Variants in RGS22 observed in about 807,000 individuals in gnomAD.
RGS22 encodes regulator of G-protein signaling 22.
In RGS22, 148 loss-of-function variants were observed where a neutral mutation model predicts 172.9. That is an observed-to-expected ratio of 0.86 (90% confidence interval 0.75 to 0.98). RGS22 has a LOEUF of 0.98. Among genes scored for constraint, RGS22 ranks in the 50% least tolerant of loss-of-function variants. The probability of loss-of-function intolerance (pLI) is 0.00; values close to 1 mark genes in which losing one functional copy is unlikely to be tolerated. For synonymous variants in RGS22, 458 were observed against 480.2 expected, an observed-to-expected ratio of 0.95 and a Z score of 0.60; for missense variants, 1,347 against 1,440.8, an observed-to-expected ratio of 0.93 and a Z score of 1.05.
intron 23 of RGS22, among the ~76,000 whole-genome samples, chr8:99,975,689 G>GA (rs1489712233): frequency 6.6e-6 from 1 of 150,880 alleles, no homozygotes; most frequent in Non-Finnish European, 1.5e-5. Context: ...GCATGTTTAT[G>GA]ATTCTCTTAT....
At chr8:100,028,310 T>A (rs1818394675) in intron 14 of RGS22, among the ~76,000 whole-genome samples, 1 of 152,132 alleles carries the variant, frequency 6.6e-6, no homozygotes, top group Admixed American at 6.5e-5. Context: ...TAGGTATTTT[T>A]TAGATGAAGA....
chr8:100,049,092 G>T (rs1413275382), intron 10 of RGS22, among the ~76,000 whole-genome samples: 4 of 152,118 alleles, frequency 2.6e-5, no homozygotes, highest in Non-Finnish European at 5.9e-5. Context: ...GTGAAAGCTA[G>T]AAGTACCCAG....
intron 14 of RGS22, among the ~76,000 whole-genome samples, chr8:100,029,702 CAAAAAAAAAAAA>C (rs369058108): frequency 3.9e-4 from 24 of 62,016 alleles, no homozygotes; most frequent in Non-Finnish European, 6.8e-4. Flanking sequence ...AACTCCGTCT[CAAAAAAAAAAAA>C]AAAAAAAAAG....
intron 23 of RGS22, among the ~76,000 whole-genome samples, chr8:99,975,989 C>T (rs528089367): frequency 4.9e-4 from 75 of 152,102 alleles, no homozygotes; most frequent in African/African-American, 1.7e-3. Flanking sequence ...CAAGAGTTCG[C>T]GACCAGCATG....
chr8:100,009,485 G>T (rs115640745), intron 14 of RGS22, among the ~76,000 whole-genome samples: 2 of 149,766 alleles, frequency 1.3e-5, no homozygotes, highest in Non-Finnish European at 3.0e-5. Context: ...CAGCAAACCT[G>T]CCACAAATAT....
chr8:99,995,040 T>C (rs1371301270), intron 20 of RGS22, among the ~76,000 whole-genome samples: 1 of 152,132 alleles, frequency 6.6e-6, no homozygotes, highest in Non-Finnish European at 1.5e-5. Context: ...TAATAAATGG[T>C]GCTGGGAAAA....
rs1344085590 is a variant in RGS22, at chr8:100,051,550, T to A, written c.1689+1252A>T. Among the ~76,000 whole-genome samples the A allele has an allele frequency of 4.4e-5, 2 of 45,028 alleles. 1 individual carries two copies. The highest frequency in any genetic ancestry group is 7.1e-5 in the Non-Finnish European group (2 of 28,322). 29.5% of individuals were successfully genotyped at this position (45,028 alleles called of 152,430 possible). A position where few individuals can be genotyped will look rare whatever the true frequency, so the allele number is the denominator to read the frequency against. On this transcript the variant is annotated intron_variant, in intron 10 of 27. Coordinates refer to ENST00000360863, the MANE Select transcript of RGS22 (RefSeq NM_015668.5). ...ATATTTATACATATATATTTATACA[T>A]GTATTTATATAAATATATATTTATA...
In RGS22 at chr8:100,080,167, T is replaced by A. The variant is rs1379149565; in HGVS notation, c.306A>T (p.Glu102Asp). The change falls in exon 4 of 28, where the codon GAA (glutamate) becomes GAT (aspartate). Residue 102 changes from glutamate (E) to aspartate (D), a missense_variant. By Grantham distance (45) the Glu-to-Asp change is conservative. Coordinates refer to ENST00000360863, the MANE Select transcript of RGS22 (RefSeq NM_015668.5). ...TGTAGTTGACATTAATGGTCTCATC[T>A]TCATCGGGGGCATTCATTTGAACAG... ...VKPVQMNAPD[E>D]DETINVNYNI... is the part of the protein sequence containing the mutation. 1 of 1,611,946 alleles carries A rather than the reference T, an allele frequency of 6.2e-7. No homozygotes were observed. The highest frequency in any genetic ancestry group is 1.3e-5 in the African/African-American group (1 of 74,862).
intron 20 of RGS22, among the ~76,000 whole-genome samples, chr8:99,995,013 G>A (rs888361121): frequency 1.3e-5 from 2 of 152,072 alleles, no homozygotes; most frequent in African/African-American, 2.4e-5. Context: ...CAAGAAATGG[G>A]GAAACGATTC....
At chr8:100,050,223 A>G (rs1340213502) in intron 10 of RGS22, among the ~76,000 whole-genome samples, 1 of 152,182 alleles carries the variant, frequency 6.6e-6, no homozygotes, top group Non-Finnish European at 1.5e-5. Flanking sequence ...GCAGTGTTTC[A>G]CATATGAATC....
intron 7 of RGS22, among the ~76,000 whole-genome samples, chr8:100,065,691 A>G (rs1225723284): frequency 6.6e-6 from 1 of 152,198 alleles, no homozygotes. Context: ...AAGGTGAAAA[A>G]TAGTCTGAAC....
rs766565955 is a variant in RGS22, at chr8:99,996,542, A to G, written c.2950-12T>C. On this transcript the variant is annotated splice_polypyrimidine_tract_variant and intron_variant, in intron 19 of 27. Transcript: ENST00000360863. ...TCTTTCATCTGTACCTGAAAGCAAAACCAATTATTTTATCCCAGTTATTCA... is the reference window on the plus strand; with the variant it reads ...TCTTTCATCTGTACCTGAAAGCAAAGCCAATTATTTTATCCCAGTTATTCA... 2.6e-5 allele frequency: 42 copies of G among 1,607,766 alleles called. No homozygotes were observed. Among genetic ancestry groups the G allele is most frequent in the Non-Finnish European group, 3.4e-5 (40 of 1,175,592 alleles).
chr8:100,100,763 T>C (rs1813409530), intron 2 of RGS22, among the ~76,000 whole-genome samples: 1 of 152,140 alleles, frequency 6.6e-6, no homozygotes, highest in African/African-American at 2.4e-5. Flanking sequence ...AAAATAGAAA[T>C]TTGAACAGAC....
intron 22 of RGS22, 63 bp downstream of exon 22, chr8:99,981,874 T>A: frequency 6.8e-7 from 1 of 1,463,368 alleles, no homozygotes; most frequent in Non-Finnish European, 9.2e-7. Flanking sequence ...AAAGGATATC[T>A]ATCTTTAAAA....
intron 14 of RGS22, among the ~76,000 whole-genome samples, chr8:100,008,850 G>C (rs901358258): frequency 2.6e-5 from 4 of 152,126 alleles, no homozygotes; most frequent in Non-Finnish European, 5.9e-5. Flanking sequence ...GTAAATTTGA[G>C]TTTATGTGCC....
At chr8:100,034,373 A>G (rs1158785139) in intron 14 of RGS22, among the ~76,000 whole-genome samples, 4 of 152,226 alleles carry the variant, frequency 2.6e-5, no homozygotes, top group African/African-American at 9.7e-5. Flanking sequence ...CAATTGCTAC[A>G]CAGAGAATAA....
At chr8:99,993,424 A>G (rs1481562698) in intron 20 of RGS22, among the ~76,000 whole-genome samples, 10 of 152,212 alleles carry the variant, frequency 6.6e-5, no homozygotes, top group Admixed American at 6.5e-4. Flanking sequence ...AAAAAATGAT[A>G]AAGTGGATAT....
chr8:100,039,378 C>CTT (rs56745564), intron 13 of RGS22, among the ~76,000 whole-genome samples: 6 of 123,444 alleles, frequency 4.9e-5, no homozygotes, highest in African/African-American at 1.8e-4. Flanking sequence ...CAGTTAAATA[C>CTT]TTTTTTTTTT....
intron 4 of RGS22, among the ~76,000 whole-genome samples, chr8:100,075,900 CT>C (rs138402084): frequency 0.037 from 5,487 of 148,216 alleles, 146 homozygotes; most frequent in Non-Finnish European, 0.06. Context: ...ATTATTTGCC[CT>C]TTTTTTTTTA....
Sources: gnomAD v4.1 joint callset for allele counts (sites outside exome capture counted in the v4.1 genomes callset) on GRCh38, gnomAD v4.1.1 for gene constraint, MANE v1.5 for transcripts, NCBI Gene and HGNC (gene_info 2026-07-23, HGNC 2026-07-21) for gene names.